IQCH: variants seen among roughly 807,000 people sequenced by gnomAD.
The protein encoded by IQCH is IQ domain-containing protein H.
Under a neutral mutation model 117.0 loss-of-function variants are expected in IQCH, and 98 were observed. The observed-to-expected ratio is 0.84, with a 90% CI of 0.71 to 0.99. The LOEUF is 0.99. Ranked by LOEUF, IQCH falls within the 50% of genes least tolerant of loss-of-function variation. The pLI is 0.00. For synonymous variants in IQCH, 412 were observed against 448.2 expected (o/e 0.92, Z 1.02); for missense variants, 1,102 against 1,243.8 (o/e 0.89, Z 1.72).
At chr15:67,332,133 T>C (rs1203833761) in intron 4 of IQCH, among the ~76,000 whole-genome samples, 2 of 152,128 alleles carry the variant, frequency 1.3e-5, no homozygotes, top group Non-Finnish European at 2.9e-5. Flanking sequence ...GGGTATTCGA[T>C]AATATAATGT....
At chr15:67,379,465 G>T (rs1203073902) in intron 10 of IQCH, among the ~76,000 whole-genome samples, 1 of 152,174 alleles carries the variant, frequency 6.6e-6, no homozygotes, top group Non-Finnish European at 1.5e-5. Flanking sequence ...TTACCTTGCA[G>T]ACTCCCTGAA....
chr15:67,468,847 A>T (rs1223898403), intron 17 of IQCH, among the ~76,000 whole-genome samples: 2 of 152,226 alleles, frequency 1.3e-5, no homozygotes, highest in Non-Finnish European at 2.9e-5. Flanking sequence ...TATAAACATG[A>T]TTAATTTTCA....
intron 4 of IQCH, among the ~76,000 whole-genome samples, chr15:67,301,440 C>T (rs113190734): frequency 2.9e-5 from 3 of 105,164 alleles, no homozygotes; most frequent in African/African-American, 3.7e-5. Context: ...AACCGAGTCT[C>T]ATTCTGTTGC....
At position 67,373,384 on chromosome 15, in the gene IQCH, G is replaced by C; in HGVS notation, c.1323G>C (p.Trp441Cys). Residue 441 changes from tryptophan to cysteine, a missense_variant, in exon 10 of 21, where the codon TGG (tryptophan) becomes TGC (cysteine). Physicochemically the swap from Trp to Cys is radical, Grantham distance 215. This residue lies in a region of IQCH where 650 missense variants were observed against 794.3 expected (regional missense o/e 0.82). Transcript: ENST00000335894. ...RIRAKHLAAN[W>C]NRIRTSRRTI... ...ATTTTTAGCATCTGGCAGCCAACTG[G>C]AATCGCATCAGGACCTCCAGGAGGA... The C allele has an allele frequency of 6.2e-7, 1 of 1,612,718 alleles. No individual in the cohort carries two copies. Among genetic ancestry groups the C allele is most frequent in the Non-Finnish European group, 8.5e-7 (1 of 1,178,974 alleles).
At chr15:67,265,372 T>A (rs965831311) in intron 3 of IQCH, among the ~76,000 whole-genome samples, 1 of 152,220 alleles carries the variant, frequency 6.6e-6, no homozygotes, top group Non-Finnish European at 1.5e-5. Flanking sequence ...GGTACTTGGA[T>A]CATATCTTTC....
rs755540924 is a variant in IQCH at position 67,475,583 on chromosome 15, G to A, written c.2677-113G>A. 23 of 836,312 alleles carry A rather than the reference G, an allele frequency of 2.8e-5. No homozygotes were observed. Among genetic ancestry groups the A allele is most frequent in the South Asian group, 3.4e-5 (2 of 58,436 alleles). 51.8% of individuals were successfully genotyped at this position (836,312 alleles called of 1,614,324 possible). On this transcript the variant is annotated intron_variant, in intron 17 of 20. Transcript: ENST00000335894. The surrounding 1 kb of genome is among the most constrained non-coding windows in gnomAD (Gnocchi z 5.7). Reference sequence around the variant, plus strand: ...TTAACAATAGGAGAACTGGGTGTGGGGGATATAGGAACTCTCAGAATTATC... The same window carrying A: ...TTAACAATAGGAGAACTGGGTGTGGAGGATATAGGAACTCTCAGAATTATC...
chr15:67,298,388 C>G (rs1168680940), intron 4 of IQCH, among the ~76,000 whole-genome samples: 1 of 151,524 alleles, frequency 6.6e-6, no homozygotes, highest in Non-Finnish European at 1.5e-5. Flanking sequence ...CATCACTGAT[C>G]ATCAGAGAAA....
rs1243944640 is a variant in IQCH, at chr15:67,463,606, A to G, written c.2506-1521A>G. On this transcript the variant is annotated intron_variant, in intron 16 of 20. Coordinates refer to ENST00000335894, the MANE Select transcript of IQCH (RefSeq NM_001031715.3). This position sits in a 1 kb window ranked among gnomAD's most constrained non-coding sequence, Gnocchi z 4.0. ...GCTACCACAGAGATCTGAGATATTT[A>G]TGATTCACCCAGCTTCATAAAAACT... is the stretch of plus-strand genomic sequence containing the variant. Among the ~76,000 whole-genome samples, 6 of 152,146 alleles carry G rather than the reference A, an allele frequency of 3.9e-5. No individual in the cohort carries two copies. Among genetic ancestry groups the G allele is most frequent in the African/African-American group, 1.2e-4 (5 of 41,430 alleles).
In IQCH at chr15:67,324,700, A is replaced by ATGTTTTT. The variant is rs561189291; in HGVS notation, c.388-12259_388-12253dup. Among the ~76,000 whole-genome samples the ATGTTTTT allele has an allele frequency of 5.3e-3, 798 of 150,712 alleles. 4 individuals are homozygous for ATGTTTTT. The highest frequency in any genetic ancestry group is 8.1e-3 in the Non-Finnish European group (550 of 67,702). On this transcript the variant is annotated intron_variant, in intron 4 of 20. Transcript: ENST00000335894. ...ACTGGGTATAGAATTTGGGGTAGCCATGTTTTTTGTTTTTTGTTTTTTCCT... is the reference window on the plus strand; with the variant it reads ...ACTGGGTATAGAATTTGGGGTAGCCATGTTTTTTGTTTTTTGTTTTTTGTTTTTTCCT...
rs1242340711 is a variant in IQCH at position 67,417,519 on chromosome 15, T to C, written c.2218+468T>C. Among the ~76,000 whole-genome samples, 2 of 152,222 alleles carry C rather than the reference T, an allele frequency of 1.3e-5. No homozygotes were observed. Among genetic ancestry groups the C allele is most frequent in the African/African-American group, 4.8e-5 (2 of 41,454 alleles). On this transcript the variant is annotated intron_variant, in intron 15 of 20. Coordinates refer to ENST00000335894, the MANE Select transcript of IQCH (RefSeq NM_001031715.3). This position sits in a 1 kb window ranked among gnomAD's most constrained non-coding sequence, Gnocchi z 4.3. ...AGTGTTAGTTTCTCCTTCTGTTTTC[T>C]AGGAGAGCAAAAATGGTCTCGCTTC...
rs1224916662 is a variant in IQCH at position 67,381,641 on chromosome 15, T to G, written c.1373-3295T>G. 6.6e-6 allele frequency among the ~76,000 whole-genome samples: 1 copy of G among 151,986 alleles called. No individual in the cohort carries two copies. The highest frequency in any genetic ancestry group is 1.5e-5 in the Non-Finnish European group (1 of 67,982). ...CTTAGAGACCCAATTTTAGAAGAGT[T>G]GAAAGAAGGGGGAGTGATCAGAACA... On this transcript the variant is annotated intron_variant, in intron 10 of 20. Coordinates refer to ENST00000335894, the MANE Select transcript of IQCH (RefSeq NM_001031715.3). This position sits in a 1 kb window ranked among gnomAD's most constrained non-coding sequence, Gnocchi z 5.1.
intron 8 of IQCH, 47 bp from the exon 9 acceptor site, chr15:67,372,064 G>T: frequency 6.8e-7 from 1 of 1,480,310 alleles, no homozygotes; most frequent in South Asian, 1.3e-5. Flanking sequence ...ATTTAAAGGA[G>T]ATCATAATAT....
In IQCH at chr15:67,493,190, A is replaced by G. The variant is rs535266267; in HGVS notation, c.2862-1068A>G. 2.0e-5 allele frequency among the ~76,000 whole-genome samples: 3 copies of G among 152,328 alleles called. No individual in the cohort carries two copies. The highest frequency in any genetic ancestry group is 4.1e-4 in the South Asian group (2 of 4,826). ...CTTAATCTCATCCCTAACTGCAGTC[A>G]TAGAACCACAGAATGTTAGAACAGG... On this transcript the variant is annotated intron_variant, in intron 19 of 20. Transcript: ENST00000335894. The surrounding 1 kb of genome is among the most constrained non-coding windows in gnomAD (Gnocchi z 5.1).
At chr15:67,336,873 AACTT>A (rs1968914514) in intron 4 of IQCH, 98 bp from the exon 5 acceptor site, 3 of 1,162,914 alleles carry the variant, frequency 2.6e-6, no homozygotes, top group Non-Finnish European at 3.6e-6. Flanking sequence ...ACTTTATTAA[AACTT>A]AATGCAACTA....
At chr15:67,374,588 A>G (rs1970675695) in intron 10 of IQCH, among the ~76,000 whole-genome samples, 1 of 152,212 alleles carries the variant, frequency 6.6e-6, no homozygotes, top group African/African-American at 2.4e-5. Flanking sequence ...CTTAGATCTA[A>G]GTACTTACAG....
At position 67,475,043 on chromosome 15, in the gene IQCH, T is replaced by C. The variant is rs535764735; in HGVS notation, c.2677-653T>C. ...AGATCATCAAACCACAGGGAAAGTC[T>C]GTGAAGCCGTCACAGGCCAGAGAAG... On this transcript the variant is annotated intron_variant, in intron 17 of 20. Coordinates refer to ENST00000335894, the MANE Select transcript of IQCH (RefSeq NM_001031715.3). The surrounding 1 kb of genome is among the most constrained non-coding windows in gnomAD (Gnocchi z 5.7). 3.9e-5 allele frequency among the ~76,000 whole-genome samples: 6 copies of C among 152,298 alleles called. No homozygotes were observed. The highest frequency in any genetic ancestry group is 3.3e-4 in the Admixed American group (5 of 15,300).
chr15:67,261,022 G>C (rs1355303847), intron 1 of IQCH, among the ~76,000 whole-genome samples: 4 of 151,332 alleles, frequency 2.6e-5, no homozygotes, highest in Non-Finnish European at 5.9e-5. Context: ...CTTGAACCTG[G>C]GAGGCAGAGG....
At chr15:67,333,385 G>T (rs1968752869) in intron 4 of IQCH, among the ~76,000 whole-genome samples, 1 of 152,194 alleles carries the variant, frequency 6.6e-6, no homozygotes, top group Admixed American at 6.5e-5. Flanking sequence ...TTAATTCAGA[G>T]AAATCTTGTG....
chr15:67,256,604 C>T (rs2140419734), intron 1 of IQCH, among the ~76,000 whole-genome samples: 1 of 152,324 alleles, frequency 6.6e-6, no homozygotes, highest in East Asian at 1.9e-4. Flanking sequence ...CTGGACCCCT[C>T]TTTGGGTAAG....
Sources: allele counts gnomAD v4.1 joint callset (sites outside exome capture counted in the v4.1 genomes callset), GRCh38; gene constraint gnomAD v4.1.1; regional missense constraint gnomAD v4.1.1; non-coding constraint Gnocchi (gnomAD v3.1); transcripts MANE v1.5; gene names NCBI Gene and HGNC (gene_info 2026-07-23, HGNC 2026-07-21).